Variants in GPD2 observed in about 807,000 individuals in gnomAD.
GPD2 encodes the protein glycerol-3-phosphate dehydrogenase, mitochondrial.
Under a neutral mutation model 82.4 loss-of-function variants are expected in GPD2, and 54 were observed. The ratio of observed to expected loss-of-function variants is 0.66; its 90% confidence interval spans 0.53 to 0.82. GPD2 has a LOEUF of 0.82. GPD2 is among the 40% of genes least tolerant of loss of function. The pLI is 0.00. For missense variants in GPD2, 748 were observed against 896.2 expected, an observed-to-expected ratio of 0.83 and a Z score of 2.11; for synonymous variants, 288 against 306.1, an observed-to-expected ratio of 0.94 and a Z score of 0.62.
the GPD2 span, among the ~76,000 whole-genome samples, chr2:156,421,212 A>G: frequency 6.6e-6 from 1 of 152,212 alleles, no homozygotes; most frequent in Non-Finnish European, 1.5e-5. Context: ...AGGACTACCT[A>G]CATCTGAATT....
intron 6 of GPD2, among the ~76,000 whole-genome samples, chr2:156,516,951 G>A (rs1170353818): frequency 6.6e-6 from 1 of 152,218 alleles, no homozygotes; most frequent in East Asian, 1.9e-4. Context: ...TGTTAGGGCT[G>A]TAAGAGGTTT....
chr2:156,407,646 C>T, the GPD2 span, among the ~76,000 whole-genome samples: 1 of 152,124 alleles, frequency 6.6e-6, no homozygotes, highest in Admixed American at 6.6e-5. Context: ...CCATAATTAC[C>T]TGAGCCAGTT....
intron 6 of GPD2, among the ~76,000 whole-genome samples, chr2:156,528,764 G>A (rs1243770840): frequency 6.6e-6 from 1 of 151,972 alleles, no homozygotes; most frequent in Non-Finnish European, 1.5e-5. Flanking sequence ...CAAAGGACGT[G>A]ATCTCATCAT....
the GPD2 span, among the ~76,000 whole-genome samples, chr2:156,404,634 A>C: frequency 6.7e-6 from 1 of 148,684 alleles, no homozygotes; most frequent in Non-Finnish European, 1.5e-5. Context: ...TGGGGTCAGA[A>C]GTTCAAGACC....
chr2:156,476,282 C>A, intron 2 of GPD2, 75 bp downstream of exon 2: 1 of 831,318 alleles, frequency 1.2e-6, no homozygotes, highest in Non-Finnish European at 2.1e-6. Context: ...GGAATGTGTG[C>A]ACTAACGGTT....
At chr2:156,513,225 C>G (rs1573948177) in intron 5 of GPD2, 108 bp from the exon 6 acceptor site, 1 of 857,858 alleles carries the variant, frequency 1.2e-6, no homozygotes, top group Non-Finnish European at 2.0e-6. Context: ...CAGTCCACTT[C>G]TAGGTATGCT....
intron 3 of GPD2, among the ~76,000 whole-genome samples, chr2:156,498,100 G>A (rs1684449445): frequency 6.6e-6 from 1 of 152,182 alleles, no homozygotes; most frequent in South Asian, 2.1e-4. Context: ...ATTCAGGAAA[G>A]TGTATTTCTT....
At position 156,549,718 on chromosome 2, in the gene GPD2, C is replaced by A; in HGVS notation, c.772C>A (p.Pro258Thr). 1.2e-6 allele frequency: 2 copies of A among 1,613,964 alleles called. No individual in the cohort carries two copies. Among genetic ancestry groups the A allele is most frequent in the Non-Finnish European group, 1.7e-6 (2 of 1,179,836 alleles). The change falls in exon 7 of 17, where the codon CCC (proline) becomes ACC (threonine). Residue 258 changes from proline to threonine, a missense_variant. Around this residue, in one of 3 missense-constraint regions of GPD2, gnomAD observed 692 missense variants for 809.7 expected, o/e 0.85. Transcript: ENST00000438166. The stretch of plus-strand genomic sequence containing the variant: ...AGTGAGCTTGCTCAAGAAGACAGAC[C>A]CCCAGACAGGGAAAGTGCGTGTGAG... ...EVVSLLKKTD[P>T]QTGKVRVSGA...
intron 6 of GPD2, among the ~76,000 whole-genome samples, chr2:156,548,743 G>A (rs190912346): frequency 3.9e-5 from 6 of 152,262 alleles, no homozygotes; most frequent in Admixed American, 1.3e-4. Flanking sequence ...ATCCCAATGT[G>A]TGGGAATTTG....
rs148645226 is a variant in GPD2 at position 156,450,652 on chromosome 2, C to G, written c.-9+14139C>G. Among the ~76,000 whole-genome samples the G allele has an allele frequency of 1.3e-3, 179 of 139,510 alleles. 2 individuals are homozygous for G. Among genetic ancestry groups the G allele is most frequent in the Admixed American group, 5.6e-3 (75 of 13,404 alleles). 91.5% of individuals were successfully genotyped at this position (139,510 alleles called of 152,430 possible). A position where few individuals can be genotyped will look rare whatever the true frequency, so the allele number is the denominator to read the frequency against. ...TTAAATTGTGGAAGTGGAGACAGTT[C>G]TTATAGACAACTCTTTTTTTTTTTT... On this transcript the variant is annotated intron_variant, in intron 1 of 16. Coordinates refer to ENST00000438166, the MANE Select transcript of GPD2 (RefSeq NM_000408.5).
intron 6 of GPD2, among the ~76,000 whole-genome samples, chr2:156,534,197 C>G (rs1014586175): frequency 6.6e-6 from 1 of 152,216 alleles, no homozygotes; most frequent in Non-Finnish European, 1.5e-5. Context: ...GATCTCCTCT[C>G]TGACCATCCA....
chr2:156,553,417 AT>A (rs965623286), intron 8 of GPD2, among the ~76,000 whole-genome samples: 1 of 152,102 alleles, frequency 6.6e-6, no homozygotes, highest in African/African-American at 2.4e-5. Context: ...CATTTATGAG[AT>A]TTTTTAATAT....
At chr2:156,523,240 C>G (rs1479437631) in intron 6 of GPD2, among the ~76,000 whole-genome samples, 2 of 152,100 alleles carry the variant, frequency 1.3e-5, no homozygotes, top group African/African-American at 4.8e-5. Flanking sequence ...TGTGCTCTGC[C>G]TAGTCATCCT....
intron 6 of GPD2, among the ~76,000 whole-genome samples, chr2:156,517,955 T>C (rs982033098): frequency 6.6e-6 from 1 of 152,040 alleles, no homozygotes; most frequent in African/African-American, 2.4e-5. Flanking sequence ...TTTCTGAGAG[T>C]CAAGACATTG....
At chr2:156,430,009 A>G in the GPD2 span, among the ~76,000 whole-genome samples, 1 of 152,262 alleles carries the variant, frequency 6.6e-6, no homozygotes, top group Admixed American at 6.5e-5. Flanking sequence ...GTTTGCAACT[A>G]TTGTTAACAA....
At chr2:156,502,491 A>G (rs1297163665) in intron 3 of GPD2, among the ~76,000 whole-genome samples, 1 of 152,182 alleles carries the variant, frequency 6.6e-6, no homozygotes, top group Non-Finnish European at 1.5e-5. Context: ...CAGTGGCTCC[A>G]TCATAGCTCA....
At chr2:156,467,172 G>A (rs1683179221) in intron 1 of GPD2, among the ~76,000 whole-genome samples, 1 of 151,756 alleles carries the variant, frequency 6.6e-6, no homozygotes, top group African/African-American at 2.4e-5. Flanking sequence ...CTCTTGGGCT[G>A]GGGTGGGCCC....
intron 1 of GPD2, among the ~76,000 whole-genome samples, chr2:156,448,178 G>A (rs1178905957): frequency 1.3e-5 from 2 of 150,170 alleles, no homozygotes; most frequent in Admixed American, 6.6e-5. Context: ...GCATGATCTC[G>A]GCTCATTGCA....
chr2:156,464,080 A>G (rs1345478413), intron 1 of GPD2, among the ~76,000 whole-genome samples: 6 of 152,266 alleles, frequency 3.9e-5, no homozygotes, highest in African/African-American at 1.4e-4. Context: ...TGACTGAGAT[A>G]GAAATACAGC....
Sources: gnomAD v4.1 joint callset for allele counts (sites outside exome capture counted in the v4.1 genomes callset) on GRCh38, gnomAD v4.1.1 for gene constraint, gnomAD v4.1.1 regional missense constraint, MANE v1.5 for transcripts, NCBI Gene and HGNC (gene_info 2026-07-23, HGNC 2026-07-21) for gene names.